Variants in CEP192 observed in about 807,000 individuals in gnomAD.
CEP192 encodes centrosomal protein 192.
A neutral mutation model predicts 271.8 loss-of-function variants in CEP192; 151 were observed. That is an observed-to-expected ratio of 0.56 (90% CI 0.49 to 0.64). The LOEUF is 0.64. Among genes scored for constraint, CEP192 ranks in the 30% least tolerant of loss-of-function variants. The pLI, the probability that CEP192 is intolerant of heterozygous loss-of-function variation, is 0.00. For synonymous variants in CEP192, 995 were observed against 1,076.5 expected, an observed-to-expected ratio of 0.92 and a Z score of 1.48; for missense variants, 2,910 against 3,020.5, an observed-to-expected ratio of 0.96 and a Z score of 0.86.
intron 30 of CEP192, among the ~76,000 whole-genome samples, chr18:13,077,685 T>G (rs1248759074): frequency 5.9e-5 from 9 of 152,216 alleles, no homozygotes; most frequent in Admixed American, 5.9e-4. Context: ...AAAAGTTGTT[T>G]GAGTTCTTAT....
intron 38 of CEP192, among the ~76,000 whole-genome samples, chr18:13,101,337 T>C (rs768471170): frequency 3.9e-5 from 6 of 151,938 alleles, no homozygotes; most frequent in South Asian, 2.1e-4. Context: ...CGGCTTAGGG[T>C]AGGTTAGGTG....
At chr18:13,002,214 T>A (rs1177604284) in intron 3 of CEP192, among the ~76,000 whole-genome samples, 3 of 152,184 alleles carry the variant, frequency 2.0e-5, no homozygotes, top group African/African-American at 7.2e-5. Flanking sequence ...ATTTTGTATG[T>A]GCATTTATGC....
intron 3 of CEP192, among the ~76,000 whole-genome samples, chr18:13,003,451 G>GAAA (rs545191456): frequency 1.1e-3 from 116 of 101,304 alleles, no homozygotes; most frequent in Non-Finnish European, 1.6e-3. Flanking sequence ...TCTGTCTCAA[G>GAAA]AAAAAAAAAA....
At chr18:13,000,097 T>C (rs1365509002) in intron 2 of CEP192, among the ~76,000 whole-genome samples, 2,406 of 91,978 alleles carry the variant, frequency 0.026, 199 homozygotes, top group African/African-American at 0.097. Context: ...CTCTCTTTTT[T>C]TTTTTTTTTT....
Position 13,017,219 on chromosome 18 carries a change from T to A in CEP192, c.672T>A (p.Asp224Glu), listed in dbSNP as rs1166740730. Reference protein sequence around the residue: ...DDDIDDEMFYDDHLEAYFEQL... With the variant: ...DDDIDDEMFYEDHLEAYFEQL... ...ATATTGATGATGAAATGTTTTATGA[T>A]GATCATTTGGAGGCTTATTTTGAAC... is the stretch of plus-strand genomic sequence containing the variant. Residue 224 changes from aspartate (D) to glutamate (E), a missense_variant, in exon 7 of 45, where the codon GAT (aspartate) becomes GAA (glutamate). Coordinates refer to ENST00000506447, the MANE Select transcript of CEP192 (RefSeq NM_032142.4). The A allele has an allele frequency of 6.5e-7, 1 of 1,549,356 alleles. No homozygotes were observed. Among genetic ancestry groups the A allele is most frequent in the Admixed American group, 2.0e-5 (1 of 50,870 alleles).
At chr18:13,069,615 A>G (rs1318892351) in intron 26 of CEP192, 123 bp from the exon 27 acceptor site, 1 of 677,376 alleles carries the variant, frequency 1.5e-6, no homozygotes, top group Non-Finnish European at 2.6e-6. Context: ...AGACCGTGAC[A>G]GACAAGAAGG....
intron 12 of CEP192, among the ~76,000 whole-genome samples, chr18:13,037,796 C>G (rs1285025715): frequency 3.3e-5 from 5 of 152,132 alleles, no homozygotes; most frequent in Non-Finnish European, 7.4e-5. Flanking sequence ...TTCAAGCAAT[C>G]CTTCCATCTT....
intron 21 of CEP192, 147 bp downstream of exon 21, chr18:13,059,459 T>G: frequency 1.6e-6 from 1 of 622,978 alleles, no homozygotes; most frequent in Non-Finnish European, 2.8e-6. Context: ...TAATATCTTT[T>G]TATTTCAAAA....
chr18:13,032,203 G>A (rs1299859493), intron 11 of CEP192, among the ~76,000 whole-genome samples: 1 of 152,186 alleles, frequency 6.6e-6, no homozygotes, highest in Admixed American at 6.5e-5. Flanking sequence ...AATGAAGAGA[G>A]TAGCTAGTGA....
intron 21 of CEP192, among the ~76,000 whole-genome samples, chr18:13,062,383 C>T (rs1229561353): frequency 6.6e-6 from 1 of 152,186 alleles, no homozygotes; most frequent in African/African-American, 2.4e-5. Flanking sequence ...GATAAAGCGT[C>T]TCCCAGGTAC....
intron 11 of CEP192, among the ~76,000 whole-genome samples, chr18:13,032,411 G>C: frequency 6.6e-6 from 1 of 152,110 alleles, no homozygotes; most frequent in Non-Finnish European, 1.5e-5. Context: ...GGAAATAGGG[G>C]TCAGAAGTGT....
chr18:13,026,253 A>AT (rs1397285814), intron 9 of CEP192, among the ~76,000 whole-genome samples: 7 of 151,416 alleles, frequency 4.6e-5, no homozygotes, highest in South Asian at 2.1e-4. Flanking sequence ...GAGCAAGGTG[A>AT]TTTTTTTCCT....
Position 13,033,976 on chromosome 18 carries a change from T to C in CEP192, c.1535-3261T>C, listed in dbSNP as rs78182747. On this transcript the variant is annotated intron_variant, in intron 11 of 44. Coordinates refer to ENST00000506447, the MANE Select transcript of CEP192 (RefSeq NM_032142.4). ...AGACATTTCAGAAATATTTTAGCTG[T>C]TGGTTGCTTCTGGGGGTGTGGGAAA... Among the ~76,000 whole-genome samples the C allele has an allele frequency of 6.5e-3, 984 of 152,310 alleles. 22 individuals carry two copies. Among genetic ancestry groups the C allele is most frequent in the African/African-American group, 0.022 (926 of 41,560 alleles).
chr18:13,101,209 A>G (rs2039689436), intron 38 of CEP192, among the ~76,000 whole-genome samples: 1 of 152,222 alleles, frequency 6.6e-6, no homozygotes, highest in South Asian at 2.1e-4. Flanking sequence ...TCTGCAGTGC[A>G]CTGTCTTCAG....
chr18:13,023,593 A>C (rs2035119389), intron 9 of CEP192, among the ~76,000 whole-genome samples: 1 of 151,432 alleles, frequency 6.6e-6, no homozygotes, highest in South Asian at 2.1e-4. Context: ...CTTGGTTATG[A>C]TGTATAATTC....
intron 34 of CEP192, among the ~76,000 whole-genome samples, chr18:13,094,312 A>G (rs2039286829): frequency 6.6e-6 from 1 of 150,402 alleles, no homozygotes; most frequent in African/African-American, 2.5e-5. Context: ...AATTATTTTC[A>G]TCATGGTTAC....
chr18:13,080,587 G>A (rs1420930866), intron 30 of CEP192, among the ~76,000 whole-genome samples: 1 of 152,044 alleles, frequency 6.6e-6, no homozygotes, highest in African/African-American at 2.4e-5. Context: ...CTGCAAACAG[G>A]GACAATTTGA....
In CEP192 at chr18:13,096,198, A is replaced by G. The variant is rs1176934384; in HGVS notation, c.6448A>G (p.Thr2150Ala). ...TGACAAAATAGGTGACATGGCAAAA[A>G]CTGGACGTTTCCAGATTGTGAATAA... ...VAPSPCDMAK[T>A]GRFQIVNNSV... Residue 2150 changes from threonine to alanine, a missense_variant, in exon 36 of 45, where the codon ACT (threonine) becomes GCT (alanine). Thr to Ala is a moderately conservative substitution (Grantham distance 58, BLOSUM62 0). Coordinates refer to ENST00000506447, the MANE Select transcript of CEP192 (RefSeq NM_032142.4). 5.0e-6 allele frequency: 8 copies of G among 1,613,890 alleles called. No individual in the cohort carries two copies. In the Admixed American group the frequency reaches 1.3e-4, roughly 27 times the overall value.
intron 14 of CEP192, among the ~76,000 whole-genome samples, chr18:13,041,222 T>G (rs968836845): frequency 3.9e-5 from 6 of 152,216 alleles, no homozygotes; most frequent in African/African-American, 9.6e-5. Context: ...TGTTGGCTAT[T>G]GAATTATTGA....
Sources: gnomAD v4.1 joint callset for allele counts (sites outside exome capture counted in the v4.1 genomes callset) on GRCh38, gnomAD v4.1.1 for gene constraint, MANE v1.5 for transcripts, NCBI Gene and HGNC (gene_info 2026-07-23, HGNC 2026-07-21) for gene names.